IPO11: variants seen among roughly 807,000 people sequenced by gnomAD.
IPO11 encodes the protein importin 11.
A neutral mutation model predicts 143.2 loss-of-function variants in IPO11; 66 were observed. The observed-to-expected ratio is 0.46, with a 90% CI of 0.38 to 0.57. The LOEUF (loss-of-function observed/expected upper bound fraction) is 0.57, where lower values mean the gene tolerates loss of function less well. IPO11 is among the 20% of genes least tolerant of loss of function. The probability of loss-of-function intolerance (pLI) is 0.00; values close to 1 mark genes in which losing one functional copy is unlikely to be tolerated. For synonymous variants in IPO11, 385 were observed against 377.8 expected, an observed-to-expected ratio of 1.02 and a Z score of -0.22; for missense variants, 1,026 against 1,141.0, an observed-to-expected ratio of 0.90 and a Z score of 1.45.
intron 29 of IPO11, among the ~76,000 whole-genome samples, chr5:62,613,503 A>G (rs965532382): frequency 1.3e-5 from 2 of 151,762 alleles, no homozygotes; most frequent in East Asian, 3.9e-4. Context: ...AACTTTTGCC[A>G]TGTTGCCCAG....
chr5:62,446,515 T>C (rs1744726537), intron 3 of IPO11, among the ~76,000 whole-genome samples: 2 of 152,260 alleles, frequency 1.3e-5, no homozygotes, highest in South Asian at 4.1e-4. Flanking sequence ...GCATTTTCTT[T>C]ATGAATGATG....
At chr5:62,581,716 G>T (rs1744572854) in intron 27 of IPO11, among the ~76,000 whole-genome samples, 1 of 152,100 alleles carries the variant, frequency 6.6e-6, no homozygotes. Flanking sequence ...CTATATTGCT[G>T]CTTTGGTTCT....
At chr5:62,540,668 A>T (rs1742903603) in intron 24 of IPO11, among the ~76,000 whole-genome samples, 1 of 152,242 alleles carries the variant, frequency 6.6e-6, no homozygotes, top group South Asian at 2.1e-4. Context: ...TGATGTGGAC[A>T]GATTAGTCTT....
At chr5:62,535,873 C>T (rs1242899112) in intron 22 of IPO11, among the ~76,000 whole-genome samples, 3 of 151,986 alleles carry the variant, frequency 2.0e-5, no homozygotes, top group Admixed American at 6.6e-5. Flanking sequence ...TTTTAGGCAT[C>T]GATGATATTT....
chr5:62,581,407 A>G, intron 27 of IPO11: 1 of 900,200 alleles, frequency 1.1e-6, no homozygotes, highest in Non-Finnish European at 1.6e-6. Context: ...AATATAATGA[A>G]TTATATGAGG....
In IPO11 at chr5:62,494,012, G is replaced by A; in HGVS notation, c.1478G>A (p.Arg493Gln). ...TTCCTGTTTAGGTATAAGCCATTGC[G>A]ACGCAGGGTGATTTGGCTCATCGGT... The part of the protein sequence containing the change: ...QVIHNRYKPL[R>Q]RRVIWLIGQW... The change falls in exon 16 of 30, where the codon CGA becomes CAA. Residue 493 changes from arginine to glutamine, a missense_variant. This residue lies in a region of IPO11 where 237 missense variants were observed against 288.0 expected (regional missense o/e 0.82). Coordinates refer to ENST00000325324, the MANE Select transcript of IPO11 (RefSeq NM_016338.5). 3 of 1,611,644 alleles carry A rather than the reference G, an allele frequency of 1.9e-6. No individual in the cohort carries two copies. The highest frequency in any genetic ancestry group is 2.5e-6 in the Non-Finnish European group (3 of 1,178,690).
At chr5:62,443,276 T>C (rs1165125866) in intron 3 of IPO11, 193 bp downstream of exon 3, 3 of 445,772 alleles carry the variant, frequency 6.7e-6, no homozygotes. Context: ...AAGTGTTTGA[T>C]ATTTAAAAAA....
chr5:62,575,176 G>A (rs1744267050), intron 27 of IPO11, among the ~76,000 whole-genome samples: 1 of 152,152 alleles, frequency 6.6e-6, no homozygotes, highest in Non-Finnish European at 1.5e-5. Flanking sequence ...CATAGCTACT[G>A]TCATGATATT....
Position 62,506,260 on chromosome 5 carries a change from C to G in IPO11, c.1685C>G (p.Thr562Arg). Residue 562 changes from threonine (T) to arginine (R), a missense_variant, in exon 19 of 30, where the codon ACA (threonine) becomes AGA (arginine). By Grantham distance (71) the Thr-to-Arg change is moderately conservative. This residue lies in a region of IPO11 where 237 missense variants were observed against 288.0 expected (regional missense o/e 0.82). Coordinates refer to ENST00000325324, the MANE Select transcript of IPO11 (RefSeq NM_016338.5). ...CTGCAGTATTTGGAAACCATGTTCA[C>G]ACTACTTTTTCAGTTACTGCAGCAA... ...QFLPYLETMF[T>R]LLFQLLQQVT... The G allele has an allele frequency of 1.2e-6, 2 of 1,605,198 alleles. No individual in the cohort carries two copies. Among genetic ancestry groups the G allele is most frequent in the Non-Finnish European group, 1.7e-6 (2 of 1,174,270 alleles).
chr5:62,598,241 C>T (rs1212132884), intron 28 of IPO11, among the ~76,000 whole-genome samples: 1 of 151,810 alleles, frequency 6.6e-6, no homozygotes, highest in Non-Finnish European at 1.5e-5. Flanking sequence ...TTTTCTGAAA[C>T]AGTGGTAGCA....
chr5:62,574,134 G>C (rs1440795690), intron 27 of IPO11, among the ~76,000 whole-genome samples: 1 of 152,110 alleles, frequency 6.6e-6, no homozygotes. Context: ...CCATATGCTA[G>C]TTTCTATATT....
At chr5:62,594,896 G>A (rs1157937100) in intron 28 of IPO11, among the ~76,000 whole-genome samples, 5 of 152,180 alleles carry the variant, frequency 3.3e-5, no homozygotes, top group Admixed American at 3.3e-4. Context: ...GAGCCAACTA[G>A]TTAAGTAACC....
chr5:62,424,342 T>C (rs997270267), intron 1 of IPO11, among the ~76,000 whole-genome samples: 5 of 152,060 alleles, frequency 3.3e-5, no homozygotes, highest in Non-Finnish European at 5.9e-5. Flanking sequence ...GGTTTCACCA[T>C]GTTAGCCAAG....
At chr5:62,463,850 G>A (rs1396857545) in intron 5 of IPO11, among the ~76,000 whole-genome samples, 5 of 149,552 alleles carry the variant, frequency 3.3e-5, no homozygotes, top group Non-Finnish European at 7.4e-5. Context: ...TAATGACAGA[G>A]TCTCGCTCTG....
chr5:62,424,469 G>C (rs1743643767), intron 1 of IPO11, among the ~76,000 whole-genome samples: 2 of 150,980 alleles, frequency 1.3e-5, no homozygotes, highest in Middle Eastern at 3.4e-3. Context: ...GTCTCTCTCT[G>C]TTGCCCAGGC....
At chr5:62,543,166 A>T (rs932269616) in intron 24 of IPO11, among the ~76,000 whole-genome samples, 2 of 152,210 alleles carry the variant, frequency 1.3e-5, no homozygotes, top group African/African-American at 2.4e-5. Context: ...CATGCGTTTA[A>T]TCACTTTGTA....
intron 26 of IPO11, among the ~76,000 whole-genome samples, chr5:62,552,093 C>T (rs1345704579): frequency 6.6e-6 from 1 of 151,884 alleles, no homozygotes; most frequent in Non-Finnish European, 1.5e-5. Context: ...CACTGCACTC[C>T]AGCCTGGGCG....
chr5:62,514,919 C>T (rs2112284770), intron 19 of IPO11, among the ~76,000 whole-genome samples: 1 of 151,426 alleles, frequency 6.6e-6, no homozygotes, highest in Admixed American at 6.6e-5. Context: ...TTGCACTTCC[C>T]CTTTTTCATT....
At chr5:62,598,544 CT>C (rs1413768330) in intron 28 of IPO11, among the ~76,000 whole-genome samples, 120 of 7,604 alleles carry the variant, frequency 0.016, 15 homozygotes, top group African/African-American at 0.028. Context: ...TCTTTTCTTT[CT>C]TTTCTTTCTT....
Sources: allele counts gnomAD v4.1 joint callset (sites outside exome capture counted in the v4.1 genomes callset), GRCh38; gene constraint gnomAD v4.1.1; regional missense constraint gnomAD v4.1.1; transcripts MANE v1.5; gene names NCBI Gene and HGNC (gene_info 2026-07-23, HGNC 2026-07-21).